Variants in ARK2N observed in about 807,000 individuals in gnomAD.
ARK2N encodes the protein protein ARK2N.
the ARK2N span, among the ~76,000 whole-genome samples, chr18:46,222,702 T>C: frequency 2.0e-5 from 3 of 152,212 alleles, no homozygotes; most frequent in African/African-American, 7.2e-5. Context: ...TTGTCATTGT[T>C]TTTTAATAGA....
At chr18:46,216,668 G>A in the ARK2N span, 1 of 1,329,548 alleles carries the variant, frequency 7.5e-7, no homozygotes, top group Non-Finnish European at 1.0e-6. This position sits in a 1 kb window ranked among gnomAD's most constrained non-coding sequence, Gnocchi z 4.3. Context: ...AGTTAGATGA[G>A]TGACACTTGA....
chr18:46,250,021 A>G, the ARK2N span, among the ~76,000 whole-genome samples: 1 of 148,830 alleles, frequency 6.7e-6, no homozygotes, highest in Non-Finnish European at 1.5e-5. Flanking sequence ...TCTCTTAATT[A>G]TTTATGTTCA....
chr18:46,251,603 T>C, the ARK2N span, among the ~76,000 whole-genome samples: 2 of 152,186 alleles, frequency 1.3e-5, no homozygotes, highest in African/African-American at 4.8e-5. Flanking sequence ...TAAAGAATTA[T>C]GAAAAAGACC....
the ARK2N span, among the ~76,000 whole-genome samples, chr18:46,202,458 T>C: frequency 6.6e-6 from 1 of 152,170 alleles, no homozygotes; most frequent in Non-Finnish European, 1.5e-5. Context: ...TATTCTCAAA[T>C]AACTGCTGCA....
chr18:46,242,245 G>T, the ARK2N span, among the ~76,000 whole-genome samples: 3 of 151,936 alleles, frequency 2.0e-5, no homozygotes. Flanking sequence ...AAAGTTTTGG[G>T]GTAAAAAATG....
chr18:46,235,798 A>G, the ARK2N span, among the ~76,000 whole-genome samples: 83 of 152,360 alleles, frequency 5.4e-4, no homozygotes, highest in East Asian at 0.016. Flanking sequence ...CTGATTGTCA[A>G]ACCTGGAAAG....
chr18:46,181,549 C>G, the ARK2N span, among the ~76,000 whole-genome samples: 1 of 151,894 alleles, frequency 6.6e-6, no homozygotes. Context: ...CCCGTCTCTA[C>G]TAAAAATACA....
the ARK2N span, among the ~76,000 whole-genome samples, chr18:46,209,455 G>C: frequency 3.9e-5 from 6 of 151,976 alleles, no homozygotes; most frequent in Non-Finnish European, 8.8e-5. Flanking sequence ...CCTGTCTCCT[G>C]TTTGAGCACT....
chr18:46,216,281 C>T, the ARK2N span: 1 of 1,613,850 alleles, frequency 6.2e-7, no homozygotes, highest in East Asian at 2.2e-5. This position sits in a 1 kb window ranked among gnomAD's most constrained non-coding sequence, Gnocchi z 4.3. Context: ...GTGTCTGGTG[C>T]CACAGTTGGG....
chr18:46,252,157 C>T, the ARK2N span, among the ~76,000 whole-genome samples: 2 of 151,106 alleles, frequency 1.3e-5, no homozygotes, highest in Non-Finnish European at 2.9e-5. Flanking sequence ...TGTGCCATTG[C>T]ACTCTAGCCT....
chr18:46,256,844 G>A, the ARK2N span, among the ~76,000 whole-genome samples: 1 of 152,154 alleles, frequency 6.6e-6, no homozygotes. Context: ...TCCCTCAGCA[G>A]CTTCTGTATC....
the ARK2N span, chr18:46,266,263 A>G: frequency 6.6e-6 from 1 of 152,630 alleles, no homozygotes; most frequent in African/African-American, 2.4e-5. Context: ...ATACTGTCAC[A>G]AAGGTTTTTG....
chr18:46,239,787 ACTCCTTTTC>A, the ARK2N span, among the ~76,000 whole-genome samples: 1 of 151,600 alleles, frequency 6.6e-6, no homozygotes, highest in East Asian at 1.9e-4. Context: ...TCATAGTAAC[ACTCCTTTTC>A]CTCCTTCCAA....
the ARK2N span, among the ~76,000 whole-genome samples, chr18:46,191,655 C>T: frequency 2.0e-5 from 3 of 152,120 alleles, no homozygotes; most frequent in Non-Finnish European, 4.4e-5. Context: ...ATTGTTGAAC[C>T]TCCATTAACT....
At chr18:46,192,243 G>A in the ARK2N span, among the ~76,000 whole-genome samples, 11 of 152,098 alleles carry the variant, frequency 7.2e-5, no homozygotes, top group African/African-American at 2.4e-4. Context: ...GGATGTAGTG[G>A]TAGGTAGGAT....
At chr18:46,249,331 G>A in the ARK2N span, among the ~76,000 whole-genome samples, 1 of 151,972 alleles carries the variant, frequency 6.6e-6, no homozygotes, top group Admixed American at 6.6e-5. Context: ...CCAGGTTCAC[G>A]CCATTCTCCT....
the ARK2N span, among the ~76,000 whole-genome samples, chr18:46,261,622 T>A: frequency 6.6e-6 from 1 of 152,194 alleles, no homozygotes; most frequent in African/African-American, 2.4e-5. Flanking sequence ...TATTTTAATG[T>A]CCCTATTTAT....
At chr18:46,201,310 T>C in the ARK2N span, among the ~76,000 whole-genome samples, 2,648 of 152,268 alleles carry the variant, frequency 0.017, 72 homozygotes, top group African/African-American at 0.06. Context: ...TTTTTAATTT[T>C]GAAATACTTT....
At chr18:46,175,595 A>G in the ARK2N span, among the ~76,000 whole-genome samples, 40 of 151,032 alleles carry the variant, frequency 2.6e-4, no homozygotes, top group African/African-American at 9.2e-4. Flanking sequence ...AAAAAAACAC[A>G]TGGTTCAAGC....
Sources: gnomAD v4.1 joint callset for allele counts (sites outside exome capture counted in the v4.1 genomes callset) on GRCh38, gnomAD v4.1.1 for gene constraint, Gnocchi (gnomAD v3.1) non-coding constraint, MANE v1.5 for transcripts, NCBI Gene and HGNC (gene_info 2026-07-23, HGNC 2026-07-21) for gene names.